MEGF11: variants seen among roughly 807,000 people sequenced by gnomAD.
MEGF11 encodes multiple EGF like domains 11.
MEGF11 carries 126 observed loss-of-function variants against 146.6 expected under a neutral mutation model. The observed-to-expected ratio is 0.86, with a 90% CI of 0.74 to 1.00. The LOEUF (loss-of-function observed/expected upper bound fraction) is 1.00, where lower values mean the gene tolerates loss of function less well. MEGF11 is among the 50% of genes least tolerant of loss of function. The pLI is 0.00. For missense variants in MEGF11, 1,509 were observed against 1,521.2 expected, an observed-to-expected ratio of 0.99 and a Z score of 0.13; for synonymous variants, 532 against 583.4, an observed-to-expected ratio of 0.91 and a Z score of 1.27.
chr15:66,028,893 G>A (rs2083425112), intron 5 of MEGF11, among the ~76,000 whole-genome samples: 1 of 152,182 alleles, frequency 6.6e-6, no homozygotes, highest in Non-Finnish European at 1.5e-5. Flanking sequence ...AGGACTAGAG[G>A]TGATTTATTT....
Position 66,053,714 on chromosome 15 carries a change from A to ATTTTTTTTTTTTTTTTTTTTT in MEGF11, c.394+40687_394+40688insAAAAAAAAAAAAAAAAAAAAA, listed in dbSNP as rs2084549697. Among the ~76,000 whole-genome samples the ATTTTTTTTTTTTTTTTTTTTT allele has an allele frequency of 2.6e-4, 11 of 42,268 alleles. 5 individuals are homozygous for ATTTTTTTTTTTTTTTTTTTTT. The highest frequency in any genetic ancestry group is 1.9e-4 in the Non-Finnish European group (3 of 15,512). The allele number at this position is 42,268 out of a possible 152,430, so 27.7% of individuals were successfully genotyped here. A position where few individuals can be genotyped will look rare whatever the true frequency, so the allele number is the denominator to read the frequency against. ...ACTCAGCTCCCCCTCCCCTGGCACCAATTTTTTTTTTTTTTTTTTTTTTTT... is the reference window on the plus strand; with the variant it reads ...ACTCAGCTCCCCCTCCCCTGGCACCATTTTTTTTTTTTTTTTTTTTTATTTTTTTTTTTTTTTTTTTTTTTT... On this transcript the variant is annotated intron_variant, in intron 5 of 25. Coordinates refer to ENST00000395614, the MANE Select transcript of MEGF11 (RefSeq NM_001385028.1).
At chr15:66,094,662 T>G (rs1216211461) in intron 4 of MEGF11, among the ~76,000 whole-genome samples, 168 bp from the exon 5 acceptor site, 1 of 152,184 alleles carries the variant, frequency 6.6e-6, no homozygotes, top group East Asian at 1.9e-4. Flanking sequence ...CTGAGTTATT[T>G]AATTAACTCC....
At chr15:65,957,305 CAAAG>C (rs778583425) in intron 10 of MEGF11, among the ~76,000 whole-genome samples, 12 of 152,172 alleles carry the variant, frequency 7.9e-5, no homozygotes, top group African/African-American at 2.2e-4. Flanking sequence ...GAGCTGGGCA[CAAAG>C]GAAGGCAACC....
intron 1 of MEGF11, among the ~76,000 whole-genome samples, chr15:66,223,943 A>C (rs976863190): frequency 2.6e-5 from 4 of 152,230 alleles, no homozygotes. Context: ...GTATTCTTCC[A>C]CTACTACAAC....
rs141565432 is a variant in MEGF11 at position 66,122,632 on chromosome 15, C to A, written c.200+1267G>T. On this transcript the variant is annotated intron_variant, in intron 3 of 25. Coordinates refer to ENST00000395614, the MANE Select transcript of MEGF11 (RefSeq NM_001385028.1). Reference sequence around the variant, plus strand: ...TACCCTTCAACAGCTAGTCTCTCACCCTTCAAATAGTGTCGCTTCACATGT... The same window carrying A: ...TACCCTTCAACAGCTAGTCTCTCACACTTCAAATAGTGTCGCTTCACATGT... Among the ~76,000 whole-genome samples, 235 of 152,300 alleles carry A rather than the reference C, an allele frequency of 1.5e-3. 1 individual carries two copies. Among genetic ancestry groups the A allele is most frequent in the Non-Finnish European group, 3.0e-3 (204 of 68,022 alleles).
At chr15:66,221,803 G>A (rs999710395) in intron 1 of MEGF11, among the ~76,000 whole-genome samples, 1 of 152,010 alleles carries the variant, frequency 6.6e-6, no homozygotes, top group African/African-American at 2.4e-5. Flanking sequence ...CCACTTTTAA[G>A]TTGAGACTTG....
At chr15:65,951,955 T>G (rs753488185) in intron 10 of MEGF11, among the ~76,000 whole-genome samples, 5 of 152,076 alleles carry the variant, frequency 3.3e-5, no homozygotes, top group African/African-American at 4.8e-5. Flanking sequence ...TGAGCTATGA[T>G]TGTGCCATTA....
chr15:66,053,904 G>A (rs11638654), intron 5 of MEGF11, among the ~76,000 whole-genome samples: 12 of 151,312 alleles, frequency 7.9e-5, no homozygotes, highest in Admixed American at 1.3e-4. Context: ...AATTTTTGTA[G>A]AGTCAGGGTT....
intron 4 of MEGF11, among the ~76,000 whole-genome samples, chr15:66,099,065 C>T (rs1169991381): frequency 1.3e-5 from 2 of 152,168 alleles, no homozygotes; most frequent in Non-Finnish European, 2.9e-5. Context: ...ACAAGCAGCA[C>T]TTCCCCAGCA....
intron 1 of MEGF11, among the ~76,000 whole-genome samples, chr15:66,174,261 A>G (rs1050619347): frequency 2.0e-5 from 3 of 152,214 alleles, no homozygotes; most frequent in African/African-American, 7.2e-5. Context: ...GGATAAGGCC[A>G]GAGATCAGAA....
chr15:65,934,899 T>C (rs1344486040), intron 10 of MEGF11, among the ~76,000 whole-genome samples: 1 of 152,170 alleles, frequency 6.6e-6, no homozygotes, highest in Non-Finnish European at 1.5e-5. Context: ...TTTTCATCCA[T>C]ATCCTTTGTA....
chr15:66,011,783 T>A (rs1466746946), intron 5 of MEGF11, among the ~76,000 whole-genome samples: 1 of 151,874 alleles, frequency 6.6e-6, no homozygotes, highest in African/African-American at 2.4e-5. Flanking sequence ...GGGAACTGGT[T>A]AGGCAGATTA....
At chr15:66,135,751 T>G (rs968673629) in intron 1 of MEGF11, among the ~76,000 whole-genome samples, 6 of 152,162 alleles carry the variant, frequency 3.9e-5, no homozygotes, top group African/African-American at 1.4e-4. Flanking sequence ...CCCAACTCCA[T>G]CCTGTAGGGG....
chr15:65,910,130 C>T (rs2093428125), intron 21 of MEGF11: 2 of 496,522 alleles, frequency 4.0e-6, no homozygotes, highest in Non-Finnish European at 3.8e-6. Context: ...AGGAGAGGGG[C>T]CTCTGGTGAT....
intron 5 of MEGF11, among the ~76,000 whole-genome samples, chr15:66,066,317 A>G (rs1049671846): frequency 2.6e-5 from 4 of 152,076 alleles, no homozygotes; most frequent in Middle Eastern, 3.4e-3. Flanking sequence ...AGAGCCCCCC[A>G]GTTGGTTGCT....
At chr15:66,073,730 T>C (rs984420697) in intron 5 of MEGF11, among the ~76,000 whole-genome samples, 1 of 152,220 alleles carries the variant, frequency 6.6e-6, no homozygotes, top group Non-Finnish European at 1.5e-5. Context: ...CCTATTCCCT[T>C]GCTGAGCTCC....
At chr15:66,063,015 T>C (rs1807147468) in intron 5 of MEGF11, among the ~76,000 whole-genome samples, 1 of 152,218 alleles carries the variant, frequency 6.6e-6, no homozygotes, top group Non-Finnish European at 1.5e-5. Context: ...GTTTTAAAAA[T>C]ACGATCTACA....
At chr15:65,930,699 C>G in intron 11 of MEGF11, 124 bp downstream of exon 11, 1 of 1,252,664 alleles carries the variant, frequency 8.0e-7, no homozygotes, top group South Asian at 1.7e-5. Flanking sequence ...CCAATATAGG[C>G]TCCCTGACCT....
At chr15:66,088,394 C>A (rs958966884) in intron 5 of MEGF11, among the ~76,000 whole-genome samples, 2 of 152,238 alleles carry the variant, frequency 1.3e-5, no homozygotes, top group South Asian at 2.1e-4. Flanking sequence ...CAATGGCTCA[C>A]GCCTGTAATC....
Sources: gnomAD v4.1 joint callset for allele counts (sites outside exome capture counted in the v4.1 genomes callset) on GRCh38, gnomAD v4.1.1 for gene constraint, MANE v1.5 for transcripts, NCBI Gene and HGNC (gene_info 2026-07-23, HGNC 2026-07-21) for gene names.